Variants in CTSV observed in about 807,000 individuals in gnomAD.
CTSV encodes the protein cathepsin L2.
Under a neutral mutation model 35.6 loss-of-function variants are expected in CTSV, and 33 were observed. The observed-to-expected ratio is 0.93, with a 90% CI of 0.70 to 1.24. The LOEUF is 1.24. CTSV is among the 50% of genes most tolerant of loss of function. The pLI is 0.00. For synonymous variants in CTSV, 154 were observed against 147.1 expected, an observed-to-expected ratio of 1.05 and a Z score of -0.34; for missense variants, 408 against 413.1, an observed-to-expected ratio of 0.99 and a Z score of 0.11.
Position 97,036,593 on chromosome 9 carries a change from G to A in CTSV, c.551C>T (p.Ala184Val). ...GNQGCNGGFM[A>V]RAFQYVKENG... ...CTCCTTGACATACTGGAAGGCCCTAGCCATGAAGCCACCATTGCAGCCCTG... is the reference window on the plus strand; with the variant it reads ...CTCCTTGACATACTGGAAGGCCCTAACCATGAAGCCACCATTGCAGCCCTG... The change falls in exon 5 of 8, where the codon GCT becomes GTT. Residue 184 changes from alanine (A) to valine (V), a missense_variant. Physicochemically the swap from Ala to Val is moderately conservative, Grantham distance 64 (BLOSUM62 0). Coordinates refer to ENST00000259470, the MANE Select transcript of CTSV (RefSeq NM_001333.4). 1 of 1,614,076 alleles carries A rather than the reference G, an allele frequency of 6.2e-7. No homozygotes were observed. Among genetic ancestry groups the A allele is most frequent in the Non-Finnish European group, 8.5e-7 (1 of 1,180,012 alleles).
chr9:97,033,057 G>C lies in CTSV; in HGVS notation c.906-9C>G. On this transcript the variant is annotated splice_polypyrimidine_tract_variant and intron_variant, in intron 7 of 7. Transcript: ENST00000259470. ...CCCATTCTGGACCCCAGCTGAAAGA[G>C]GAGCAGGTTTTCCATTTTATACAAG... The C allele has an allele frequency of 6.3e-7, 1 of 1,596,860 alleles. No homozygotes were observed. Among genetic ancestry groups the C allele is most frequent in the Non-Finnish European group, 8.5e-7 (1 of 1,170,452 alleles).
chr9:97,034,674 T>C, intron 7 of CTSV, 52 bp downstream of exon 7: 1 of 1,380,546 alleles, frequency 7.2e-7, no homozygotes, highest in Non-Finnish European at 1.0e-6. Flanking sequence ...TGAACTTGTA[T>C]CCAAATACTG....
chr9:97,035,227 T>G (rs1759624410), intron 6 of CTSV, among the ~76,000 whole-genome samples: 1 of 152,078 alleles, frequency 6.6e-6, no homozygotes, highest in Non-Finnish European at 1.5e-5. Flanking sequence ...AAACAAAAAC[T>G]TGAAGGGGAT....
rs1218468199 is a variant in CTSV at position 97,036,643 on chromosome 9, C to G, written c.501G>C (p.Val167=). The change falls in exon 5 of 8, where the codon GTG becomes GTC. Residue 167 remains valine, a synonymous_variant. Transcript: ENST00000259470. ...KLVSLSEQNL[V]DCSRPQGNQG... ...GATTGCCTTGAGGACGCGAACAGTCCACCAGATTCTGCTCGCTCAGTGAGA... is the reference window on the plus strand; with the variant it reads ...GATTGCCTTGAGGACGCGAACAGTCGACCAGATTCTGCTCGCTCAGTGAGA... 6.2e-7 allele frequency: 1 copy of G among 1,613,990 alleles called. No individual in the cohort carries two copies. The highest frequency in any genetic ancestry group is 1.1e-5 in the South Asian group (1 of 91,072).
chr9:97,039,218 G>C (rs1828914855), upstream of CTSV: 1 of 152,374 alleles, frequency 6.6e-6, no homozygotes, highest in Non-Finnish European at 1.5e-5. Flanking sequence ...GCTGCGATTG[G>C]CTGTGCCGGC....
chr9:97,030,299 A>T lies in CTSV; in HGVS notation c.*2650T>A, dbSNP rs1490402183. ...TCCATAGCCTCTAGTATGATGCCCAAGTGTCATAACTACACTCCCACATCA... is the reference window on the plus strand; with the variant it reads ...TCCATAGCCTCTAGTATGATGCCCATGTGTCATAACTACACTCCCACATCA... On this transcript the variant is annotated 3_prime_UTR_variant, in exon 8 of 8. Coordinates refer to ENST00000259470, the MANE Select transcript of CTSV (RefSeq NM_001333.4). The T allele has an allele frequency of 4.6e-5, 7 of 152,232 alleles. No homozygotes were observed. Among genetic ancestry groups the T allele is most frequent in the Non-Finnish European group, 7.3e-5 (5 of 68,036 alleles). The allele number at this position is 152,232 out of a possible 1,614,324, so 9.4% of individuals were successfully genotyped here.
chr9:97,033,453 TA>T (rs34754643), intron 7 of CTSV, among the ~76,000 whole-genome samples: 34,833 of 118,154 alleles, frequency 0.29, 5,737 homozygotes, highest in African/African-American at 0.51. Flanking sequence ...TCTACTAAAT[TA>T]AAAAAAAAAA....
intron 5 of CTSV, among the ~76,000 whole-genome samples, chr9:97,036,188 A>C (rs1349798991): frequency 6.6e-6 from 1 of 151,672 alleles, no homozygotes; most frequent in East Asian, 1.9e-4. Flanking sequence ...CTCCTGCCTC[A>C]GTCTCCTGAG....
intron 2 of CTSV, 105 bp downstream of exon 2, chr9:97,037,813 G>T: frequency 1.4e-6 from 2 of 1,477,292 alleles, no homozygotes; most frequent in Non-Finnish European, 1.9e-6. Flanking sequence ...TTAGGTTATT[G>T]CCTGGTAAGG....
rs567796877 is a variant in CTSV at position 97,031,606 on chromosome 9, T to A, written c.*1343A>T. 2 of 152,366 alleles carry A rather than the reference T, an allele frequency of 1.3e-5. No individual in the cohort carries two copies. Among genetic ancestry groups the A allele is most frequent in the Non-Finnish European group, 2.9e-5 (2 of 68,040 alleles). The allele number at this position is 152,366 out of a possible 1,614,324, so 9.4% of individuals were successfully genotyped here. A position where few individuals can be genotyped will look rare whatever the true frequency, so the allele number is the denominator to read the frequency against. ...TTAAATATGCAAAAATATCGTTTTA[T>A]TTGTATTTACTACCTGTGTAACTAT... is the stretch of plus-strand genomic sequence containing the variant. On this transcript the variant is annotated 3_prime_UTR_variant, in exon 8 of 8. Transcript: ENST00000259470.
rs1455050019 is a variant in CTSV, at chr9:97,034,888, A to G, written c.788-45T>C. 2.7e-6 allele frequency: 4 copies of G among 1,487,392 alleles called. No individual in the cohort carries two copies. In the South Asian group the frequency reaches 4.5e-5, roughly 17 times the overall value. The allele number at this position is 1,487,392 out of a possible 1,614,324, so 92.1% of individuals were successfully genotyped here. Reference sequence around the variant, plus strand: ...GCTGGGGTGAGAAGCTCCAAGCGACATGTGACAGTAACCCACCCTACCACC... The same window carrying G: ...GCTGGGGTGAGAAGCTCCAAGCGACGTGTGACAGTAACCCACCCTACCACC... On this transcript the variant is annotated intron_variant, in intron 6 of 7. Coordinates refer to ENST00000259470, the MANE Select transcript of CTSV (RefSeq NM_001333.4).
At chr9:97,033,228 G>A (rs758360701) in intron 7 of CTSV, among the ~76,000 whole-genome samples, 180 bp from the exon 8 acceptor site, 1 of 152,148 alleles carries the variant, frequency 6.6e-6, no homozygotes, top group Non-Finnish European at 1.5e-5. Flanking sequence ...TGCAATCCCA[G>A]CACTTTGGGA....
rs1828856773 is a variant in CTSV at position 97,036,653 on chromosome 9, T to C, written c.491A>G (p.Gln164Arg). 41 of 1,613,974 alleles carry C rather than the reference T, an allele frequency of 2.5e-5. No homozygotes were observed. The highest frequency in any genetic ancestry group is 3.5e-5 in the Non-Finnish European group (41 of 1,180,028). ...KTGKLVSLSE[Q>R]NLVDCSRPQG... ...AGGACGCGAACAGTCCACCAGATTC[T>C]GCTCGCTCAGTGAGACAAGTTTCCC... The change falls in exon 5 of 8, where the codon CAG becomes CGG. Residue 164 changes from glutamine to arginine, a missense_variant. By Grantham distance (43) the Gln-to-Arg change is conservative (BLOSUM62 1). Coordinates refer to ENST00000259470, the MANE Select transcript of CTSV (RefSeq NM_001333.4).
upstream of CTSV, chr9:97,039,144 C>A (rs914160520): frequency 5.9e-5 from 9 of 152,316 alleles, no homozygotes; most frequent in African/African-American, 2.2e-4. Context: ...CGGTCTGGTG[C>A]AGGTTCGCCC....
chr9:97,035,654 T>C lies in CTSV; in HGVS notation c.661A>G (p.Asn221Asp), dbSNP rs1228566628. ...CKYRPENSVA[N>D]DTGFTVVAPG... ...GCGACCACTGTGAAGCCAGTGTCAT[T>C]AGCAACAGAATTCTCAGGTCTGTAC... Residue 221 changes from asparagine (N) to aspartate (D), a missense_variant, in exon 6 of 8, where the codon AAT becomes GAT. Asn to Asp is a conservative substitution (Grantham distance 23). Coordinates refer to ENST00000259470, the MANE Select transcript of CTSV (RefSeq NM_001333.4). 1.3e-6 allele frequency: 2 copies of C among 1,592,896 alleles called. No homozygotes were observed. The highest frequency in any genetic ancestry group is 1.7e-6 in the Non-Finnish European group (2 of 1,168,892).
rs1393573233 is a variant in CTSV, at chr9:97,035,537, A to G, written c.778T>C (p.Tyr260His). ...MDAGHSSFQF[Y>H]KSGIYFEPDC... is the part of the protein sequence containing the mutation. ...ATAAAATGACACTTACCTGATTTGT[A>G]GAACTGGAAGGACGAATGGCCTGCA... Residue 260 changes from tyrosine (Y) to histidine (H), a missense_variant, in exon 6 of 8, where the codon TAC (tyrosine) becomes CAC (histidine). By Grantham distance (83) the Tyr-to-His change is moderately conservative. Coordinates refer to ENST00000259470, the MANE Select transcript of CTSV (RefSeq NM_001333.4). 5 of 1,539,290 alleles carry G rather than the reference A, an allele frequency of 3.2e-6. No individual in the cohort carries two copies. Among genetic ancestry groups the G allele is most frequent in the Non-Finnish European group, 4.4e-6 (5 of 1,138,036 alleles).
At chr9:97,038,531 A>C (rs1323159041) in intron 1 of CTSV, 1 of 154,776 alleles carries the variant, frequency 6.5e-6, no homozygotes, top group Non-Finnish European at 1.4e-5. Flanking sequence ...CCTTTCGGGA[A>C]TCCCTTTCCA....
Position 97,037,384 on chromosome 9 carries a change from G to A in CTSV, c.264C>T (p.Phe88=), listed in dbSNP as rs187617973. Residue 88 remains phenylalanine (F), a synonymous_variant, in exon 4 of 8, where the codon TTC becomes TTT. Transcript: ENST00000259470. Reference sequence around the variant, plus strand: ...TTCGAAAGCAACCCATCATCTGCCTGAATTCTTCATTGGTCTTCAAGGAGA... The same window carrying A: ...TTCGAAAGCAACCCATCATCTGCCTAAATTCTTCATTGGTCTTCAAGGAGA... The part of the protein sequence containing the change: ...NAFGDMTNEE[F]RQMMGCFRNQ... 5.0e-6 allele frequency: 8 copies of A among 1,613,976 alleles called. No individual in the cohort carries two copies. The African/African-American group carries it at 6.7e-5, about 13-fold the overall frequency.
intron 1 of CTSV, among the ~76,000 whole-genome samples, chr9:97,038,824 C>T (rs1738527893): frequency 1.3e-5 from 2 of 152,172 alleles, no homozygotes; most frequent in African/African-American, 4.8e-5. Context: ...GGGCATGAAG[C>T]CGCCCGGTCC....
Sources: gnomAD v4.1 joint callset for allele counts (sites outside exome capture counted in the v4.1 genomes callset) on GRCh38, gnomAD v4.1.1 for gene constraint, MANE v1.5 for transcripts, NCBI Gene and HGNC (gene_info 2026-07-23, HGNC 2026-07-21) for gene names.